Variants in MACO1 observed in about 807,000 individuals in gnomAD.
The protein encoded by MACO1 is macoilin 1, also known as macoilin.
MACO1 carries 14 observed loss-of-function variants against 78.7 expected under a neutral mutation model. The observed-to-expected ratio is 0.18, with a 90% CI of 0.12 to 0.28. MACO1 has a LOEUF of 0.28. MACO1 is among the 10% of genes least tolerant of loss of function. The pLI is 1.00. For missense variants in MACO1, 501 were observed against 799.0 expected (o/e 0.63, Z 4.50); for synonymous variants, 288 against 291.6 (o/e 0.99, Z 0.12).
intron 9 of MACO1, among the ~76,000 whole-genome samples, chr1:25,490,728 T>C (rs2043478236): frequency 1.3e-5 from 2 of 152,238 alleles, no homozygotes; most frequent in African/African-American, 2.4e-5. Flanking sequence ...ATAAAAATTT[T>C]ATTTTCAAAC....
intron 1 of MACO1, among the ~76,000 whole-genome samples, chr1:25,446,499 ATT>A (rs1430614083): frequency 6.6e-6 from 1 of 152,156 alleles, no homozygotes; most frequent in Non-Finnish European, 1.5e-5. Flanking sequence ...TAGTGGTGGG[ATT>A]TAAATGGTTT....
intron 10 of MACO1, among the ~76,000 whole-genome samples, chr1:25,493,974 A>G (rs952877615): frequency 4.6e-5 from 7 of 151,270 alleles, no homozygotes; most frequent in Non-Finnish European, 7.4e-5. Flanking sequence ...CTCGTGATCC[A>G]CCCGCCTCGG....
chr1:25,431,030 C>T lies in MACO1; in HGVS notation c.-69C>T. On this transcript the variant is annotated 5_prime_UTR_variant, in exon 1 of 11. Coordinates refer to ENST00000374343, the MANE Select transcript of MACO1 (RefSeq NM_018202.6). The stretch of plus-strand genomic sequence containing the variant: ...GAGTCCAGGCCCGACGCGGGGCGGG[C>T]CAGCGGCGGCGGCAGCTGAGGTGAG... The T allele has an allele frequency of 8.0e-7, 1 of 1,255,212 alleles. No homozygotes were observed. Among genetic ancestry groups the T allele is most frequent in the Non-Finnish European group, 1.1e-6 (1 of 937,424 alleles). The allele number at this position is 1,255,212 out of a possible 1,614,324, so 77.8% of individuals were successfully genotyped here.
rs2042858596 is a variant in MACO1, at chr1:25,431,032, A to G, written c.-67A>G. ...GTCCAGGCCCGACGCGGGGCGGGCC[A>G]GCGGCGGCGGCAGCTGAGGTGAGAG... On this transcript the variant is annotated 5_prime_UTR_variant, in exon 1 of 11. Coordinates refer to ENST00000374343, the MANE Select transcript of MACO1 (RefSeq NM_018202.6). 1.7e-6 allele frequency: 2 copies of G among 1,172,674 alleles called. No homozygotes were observed. Among genetic ancestry groups the G allele is most frequent in the African/African-American group, 3.4e-5 (2 of 58,524 alleles). 72.6% of individuals were successfully genotyped at this position (1,172,674 alleles called of 1,614,324 possible).
chr1:25,486,038 A>T (rs1486637469), intron 8 of MACO1, among the ~76,000 whole-genome samples: 1 of 152,194 alleles, frequency 6.6e-6, no homozygotes, highest in East Asian at 1.9e-4. Flanking sequence ...CATGTTTCCC[A>T]TACCTGGGAG....
intron 10 of MACO1, among the ~76,000 whole-genome samples, chr1:25,493,853 C>T (rs2043510659): frequency 6.6e-6 from 1 of 151,698 alleles, no homozygotes; most frequent in African/African-American, 2.4e-5. Flanking sequence ...CTGCCTCAGC[C>T]TCCCGAGTAG....
chr1:25,450,323 A>T (rs2043054504), intron 3 of MACO1, among the ~76,000 whole-genome samples: 1 of 152,106 alleles, frequency 6.6e-6, no homozygotes, highest in African/African-American at 2.4e-5. Context: ...ACTAGAGTAG[A>T]GCTCCCTACT....
chr1:25,435,081 G>A (rs545459968), intron 1 of MACO1, among the ~76,000 whole-genome samples: 26 of 152,256 alleles, frequency 1.7e-4, no homozygotes, highest in Non-Finnish European at 3.2e-4. Flanking sequence ...ATTCCAAATC[G>A]CTACAGTTAA....
chr1:25,474,349 A>T (rs1181906715), intron 6 of MACO1, among the ~76,000 whole-genome samples: 1 of 152,104 alleles, frequency 6.6e-6, no homozygotes, highest in Non-Finnish European at 1.5e-5. Context: ...TTTCTGTTAT[A>T]CTTGTGTTTT....
At chr1:25,473,054 G>A (rs1019686399) in intron 6 of MACO1, among the ~76,000 whole-genome samples, 4 of 152,050 alleles carry the variant, frequency 2.6e-5, no homozygotes, top group Non-Finnish European at 5.9e-5. Context: ...TAAGTTTAGT[G>A]TGTTTTCTGT....
chr1:25,442,287 G>A (rs1237590151), intron 1 of MACO1, among the ~76,000 whole-genome samples: 1 of 152,184 alleles, frequency 6.6e-6, no homozygotes, highest in Non-Finnish European at 1.5e-5. Context: ...TAACAGAAAA[G>A]ATAAAGCAGT....
intron 1 of MACO1, among the ~76,000 whole-genome samples, chr1:25,442,578 G>A (rs920390359): frequency 1.3e-5 from 2 of 152,140 alleles, no homozygotes; most frequent in Admixed American, 6.5e-5. Context: ...GAGAAAAGGT[G>A]CACTTTACTT....
At chr1:25,463,967 G>A (rs745668142) in intron 6 of MACO1, among the ~76,000 whole-genome samples, 106 of 152,092 alleles carry the variant, frequency 7.0e-4, no homozygotes, top group Non-Finnish European at 1.4e-3. Context: ...CCACCAGAGT[G>A]GTACATTTGT....
intron 1 of MACO1, among the ~76,000 whole-genome samples, chr1:25,435,700 G>T (rs1050144711): frequency 4.6e-5 from 7 of 152,180 alleles, no homozygotes; most frequent in African/African-American, 9.7e-5. Context: ...GGTAATCTTG[G>T]TAGGCTTTAA....
intron 1 of MACO1, among the ~76,000 whole-genome samples, chr1:25,432,911 C>T (rs1346243689): frequency 1.3e-5 from 2 of 152,178 alleles, no homozygotes; most frequent in Non-Finnish European, 2.9e-5. Flanking sequence ...CAACCTGCGC[C>T]ATAATAGCTA....
intron 10 of MACO1, among the ~76,000 whole-genome samples, chr1:25,495,775 A>G (rs2043530466): frequency 1.3e-5 from 2 of 152,192 alleles, no homozygotes; most frequent in South Asian, 2.1e-4. Flanking sequence ...CATCCTGGCC[A>G]ACATAGTGAA....
At chr1:25,460,412 T>A (rs1171550761) in intron 6 of MACO1, among the ~76,000 whole-genome samples, 1 of 152,054 alleles carries the variant, frequency 6.6e-6, no homozygotes, top group African/African-American at 2.4e-5. Context: ...ACATGTTTTT[T>A]TTTTTTTTTG....
At chr1:25,461,919 T>C (rs1008381569) in intron 6 of MACO1, among the ~76,000 whole-genome samples, 3 of 152,112 alleles carry the variant, frequency 2.0e-5, no homozygotes, top group Non-Finnish European at 4.4e-5. Context: ...AATGAAAGAG[T>C]TTAAAAGGAA....
In MACO1 at chr1:25,491,722, G is replaced by A. The variant is rs1406501426; in HGVS notation, c.1792+138G>A. ...AGAGTCTTGGTAAGTGCCCAACATT[G>A]AAATATAGGAACCATCACATTAATT... is the stretch of plus-strand genomic sequence containing the variant. On this transcript the variant is annotated intron_variant, in intron 10 of 10. Transcript: ENST00000374343. 7 of 641,162 alleles carry A rather than the reference G, an allele frequency of 1.1e-5. No homozygotes were observed. In the African/African-American group the frequency reaches 1.3e-4, roughly 12 times the overall value. 39.7% of individuals were successfully genotyped at this position (641,162 alleles called of 1,614,324 possible).
Sources: gnomAD v4.1 joint callset for allele counts (sites outside exome capture counted in the v4.1 genomes callset) on GRCh38, gnomAD v4.1.1 for gene constraint, MANE v1.5 for transcripts, NCBI Gene and HGNC (gene_info 2026-07-23, HGNC 2026-07-21) for gene names.